The following SECISBP2 variants were observed in gnomAD, a reference collection of about 807,000 sequenced individuals.
The protein encoded by SECISBP2 is SECIS binding protein 2.
In SECISBP2, 96 loss-of-function variants were observed where a neutral mutation model predicts 98.2. The ratio of observed to expected loss-of-function variants is 0.98; its 90% CI spans 0.83 to 1.16. The LOEUF (loss-of-function observed/expected upper bound fraction) is 1.16, where lower values mean the gene tolerates loss of function less well. Ranked by LOEUF, SECISBP2 falls within the 50% of genes most tolerant of loss-of-function variation. SECISBP2 has a pLI of 0.00. For synonymous variants in SECISBP2, 407 were observed against 370.2 expected, an observed-to-expected ratio of 1.10 and a Z score of -1.14; for missense variants, 1,046 against 1,022.9, an observed-to-expected ratio of 1.02 and a Z score of -0.31.
chr9:89,339,296 T>C (rs539333044), intron 8 of SECISBP2, among the ~76,000 whole-genome samples: 1 of 152,360 alleles, frequency 6.6e-6, no homozygotes, highest in African/African-American at 2.4e-5. Flanking sequence ...CATTTGAGAA[T>C]AGCTGGGTTA....
At chr9:89,343,040 C>T (rs972507207) in intron 10 of SECISBP2, among the ~76,000 whole-genome samples, 2 of 152,138 alleles carry the variant, frequency 1.3e-5, no homozygotes, top group African/African-American at 4.8e-5. Flanking sequence ...TGAAAATCTC[C>T]TTATCTGTAG....
chr9:89,349,861 C>T lies in SECISBP2; in HGVS notation c.1824C>T (p.Asp608=), dbSNP rs752298356. 2 of 1,614,228 alleles carry T rather than the reference C, an allele frequency of 1.2e-6. No homozygotes were observed. Among genetic ancestry groups the T allele is most frequent in the East Asian group, 4.5e-5 (2 of 44,888 alleles). Reference sequence around the variant, plus strand: ...CACCAGGCACAGAGCTCCAGAGGGACACAGAGGCCTCCCACCTTGCTCCCA... The same window carrying T: ...CACCAGGCACAGAGCTCCAGAGGGATACAGAGGCCTCCCACCTTGCTCCCA... The part of the protein sequence containing the change: ...EEPPGTELQR[D]TEASHLAPNH... The change falls in exon 13 of 17, where the codon GAC becomes GAT. Residue 608 remains aspartate (D), a synonymous_variant. Coordinates refer to ENST00000375807, the MANE Select transcript of SECISBP2 (RefSeq NM_024077.5).
At chr9:89,363,912 G>A (rs546984676), downstream of SECISBP2, 102 of 1,614,096 alleles carry the variant, frequency 6.3e-5, no homozygotes, top group Middle Eastern at 3.3e-4. Context: ...TCCAGAGCTC[G>A]CCCATTCTTC....
intron 4 of SECISBP2, among the ~76,000 whole-genome samples, chr9:89,326,347 C>T (rs529743653): frequency 2.6e-5 from 4 of 152,254 alleles, no homozygotes; most frequent in East Asian, 1.9e-4. Context: ...GTACAAGGGA[C>T]GTTTATTAAC....
downstream of SECISBP2, chr9:89,362,250 T>A: frequency 7.5e-7 from 1 of 1,332,062 alleles, no homozygotes; most frequent in Admixed American, 1.7e-5. Context: ...CCTCTGCCCA[T>A]CAGGTGGTGG....
In SECISBP2 at chr9:89,346,799, C is replaced by T. The variant is rs1019808264; in HGVS notation, c.1436-83C>T. On this transcript the variant is annotated intron_variant, in intron 10 of 16. Coordinates refer to ENST00000375807, the MANE Select transcript of SECISBP2 (RefSeq NM_024077.5). ...GCAAACTCCTTCAGATACCCTGAGG[C>T]AGCCCCTGGGCGAGCTGCGATCCAA... is the stretch of plus-strand genomic sequence containing the variant. 3 of 1,550,514 alleles carry T rather than the reference C, an allele frequency of 1.9e-6. No individual in the cohort carries two copies. The African/African-American group carries it at 4.1e-5, about 21-fold the overall frequency.
At chr9:89,336,766 CTTTTTTTT>C (rs1167993596) in intron 7 of SECISBP2, among the ~76,000 whole-genome samples, 4 of 75,202 alleles carry the variant, frequency 5.3e-5, no homozygotes, top group East Asian at 7.7e-4. Context: ...CTGTCTAATT[CTTTTTTTT>C]TTTTTTTTTT....
Position 89,358,057 on chromosome 9 carries a change from T to TGCTGGAGAATGTGCA in SECISBP2, c.2330_2344dup (p.Leu777_Gln781dup). On this transcript the variant is annotated inframe_insertion, in exon 16 of 17. Transcript: ENST00000375807. ...GCGGCCCGACAGGCGTACAAGACCATGCTGGAGAATGTGCAGCAGGAGCTG... is the reference window on the plus strand; with the variant it reads ...GCGGCCCGACAGGCGTACAAGACCATGCTGGAGAATGTGCAGCTGGAGAATGTGCAGCAGGAGCTG... 1 of 1,613,758 alleles carries TGCTGGAGAATGTGCA rather than the reference T, an allele frequency of 6.2e-7. No homozygotes were observed. The highest frequency in any genetic ancestry group is 8.5e-7 in the Non-Finnish European group (1 of 1,180,008).
chr9:89,349,740 C>T (rs1368765302), intron 12 of SECISBP2, 36 bp from the exon 13 acceptor site: 5 of 1,613,444 alleles, frequency 3.1e-6, no homozygotes, highest in South Asian at 1.1e-5. Context: ...CACTGGGCCT[C>T]ACAGATATCT....
chr9:89,342,094 G>A (rs1475481331), intron 10 of SECISBP2, among the ~76,000 whole-genome samples: 4 of 152,172 alleles, frequency 2.6e-5, no homozygotes, highest in African/African-American at 9.7e-5. Context: ...CAGCTGAATA[G>A]CAAACAATCC....
chr9:89,347,965 G>A lies in SECISBP2; in HGVS notation c.1603-114G>A, dbSNP rs368786480. On this transcript the variant is annotated intron_variant, in intron 11 of 16. Coordinates refer to ENST00000375807, the MANE Select transcript of SECISBP2 (RefSeq NM_024077.5). The stretch of plus-strand genomic sequence containing the variant: ...TCTGGGGAGCACTTGGCTGCTCTCA[G>A]GGCACTAAGAGGCACATTGCCAAAA... 4.7e-5 allele frequency: 48 copies of A among 1,011,590 alleles called. 1 individual carries two copies. In the South Asian group the frequency reaches 6.5e-4, roughly 14 times the overall value. The allele number at this position is 1,011,590 out of a possible 1,614,324, so 62.7% of individuals were successfully genotyped here. A position where few individuals can be genotyped will look rare whatever the true frequency, so the allele number is the denominator to read the frequency against.
At chr9:89,355,675 T>C (rs984793794) in intron 14 of SECISBP2, 2 of 465,390 alleles carry the variant, frequency 4.3e-6, no homozygotes, top group Non-Finnish European at 5.6e-6. Context: ...TATTGTGTTA[T>C]TTCTCAGCCT....
chr9:89,336,914 G>C (rs555938603), intron 7 of SECISBP2, among the ~76,000 whole-genome samples: 1 of 151,976 alleles, frequency 6.6e-6, no homozygotes, highest in East Asian at 1.9e-4. Flanking sequence ...TGGGATTACA[G>C]GTGCCCGCCA....
At chr9:89,327,603 C>G (rs1564336327) in intron 4 of SECISBP2, among the ~76,000 whole-genome samples, 1 of 152,008 alleles carries the variant, frequency 6.6e-6, no homozygotes, top group Non-Finnish European at 1.5e-5. Flanking sequence ...GAAGACACAA[C>G]CACACACATT....
Position 89,318,583 on chromosome 9 carries a change from T to G in SECISBP2, c.7T>G (p.Ser3Ala), listed in dbSNP as rs1825098062. 1 of 1,484,728 alleles carries G rather than the reference T, an allele frequency of 6.7e-7. No individual in the cohort carries two copies. The highest frequency in any genetic ancestry group is 8.9e-7 in the Non-Finnish European group (1 of 1,125,342). The allele number at this position is 1,484,728 out of a possible 1,614,324, so 92.0% of individuals were successfully genotyped here. The change falls in exon 1 of 17, where the codon TCG becomes GCG. Residue 3 changes from serine to alanine, a missense_variant. By Grantham distance (99) the Ser-to-Ala change is moderately conservative. Transcript: ENST00000375807. ...CTCCTCCGCGCCTCGCGGCATGGCGTCGGAGGGGCCGCGGGAGCCCGAAAG... is the reference window on the plus strand; with the variant it reads ...CTCCTCCGCGCCTCGCGGCATGGCGGCGGAGGGGCCGCGGGAGCCCGAAAG... MA[S>A]EGPREPESEG...
chr9:89,318,704 C>G, intron 1 of SECISBP2, 92 bp downstream of exon 1: 1 of 1,295,980 alleles, frequency 7.7e-7, no homozygotes, highest in Non-Finnish European at 1.0e-6. Flanking sequence ...GCTGGTCCAG[C>G]GGGCGTGGGT....
Position 89,332,955 on chromosome 9 carries a change from T to G in SECISBP2, c.849T>G (p.Asn283Lys). The change falls in exon 6 of 17, where the codon AAT becomes AAG. Residue 283 changes from asparagine (N) to lysine (K), a missense_variant. Physicochemically the swap from Asn to Lys is moderately conservative, Grantham distance 94. Coordinates refer to ENST00000375807, the MANE Select transcript of SECISBP2 (RefSeq NM_024077.5). The part of the protein sequence containing the change: ...KNNPNESVTA[N>K]AATNSPSCTR... ...ACCCAAATGAATCTGTAACTGCTAA[T>G]GCCGCTACCAATTCTCCTTCATGTA... The G allele has an allele frequency of 3.7e-6, 6 of 1,614,020 alleles. No homozygotes were observed. Among genetic ancestry groups the G allele is most frequent in the Non-Finnish European group, 5.1e-6 (6 of 1,179,946 alleles).
At chr9:89,334,864 T>G in intron 7 of SECISBP2, 134 bp downstream of exon 7, 2 of 716,246 alleles carry the variant, frequency 2.8e-6, no homozygotes, top group Non-Finnish European at 5.0e-6. Flanking sequence ...AGATGGATGG[T>G]GATGATGGTT....
chr9:89,337,730 C>T (rs1277408869), intron 7 of SECISBP2, among the ~76,000 whole-genome samples: 2 of 152,190 alleles, frequency 1.3e-5, no homozygotes, highest in African/African-American at 2.4e-5. Context: ...GGGCCTAAAA[C>T]AAAAAGTTCC....
Sources: allele counts gnomAD v4.1 joint callset (sites outside exome capture counted in the v4.1 genomes callset), GRCh38; gene constraint gnomAD v4.1.1; transcripts MANE v1.5; gene names NCBI Gene and HGNC (gene_info 2026-07-23, HGNC 2026-07-21).